Variants in RBFOX1 observed in about 807,000 individuals in gnomAD.
RBFOX1 encodes RNA binding protein fox-1 homolog 1.
RBFOX1 carries 8 observed loss-of-function variants against 57.7 expected under a neutral mutation model. The ratio of observed to expected loss-of-function variants is 0.14; its 90% CI spans 0.08 to 0.25. The LOEUF (loss-of-function observed/expected upper bound fraction) is 0.25. Ranked by LOEUF, RBFOX1 falls within the 10% of genes least tolerant of loss-of-function variation. The pLI is 1.00. For synonymous variants in RBFOX1, 326 were observed against 222.4 expected (o/e 1.47, Z -4.15); for missense variants, 611 against 548.5 (o/e 1.11, Z -1.14).
intron 14 of RBFOX1, among the ~76,000 whole-genome samples, chr16:7,678,914 T>C (rs1249098515): frequency 6.6e-6 from 1 of 152,202 alleles, no homozygotes; most frequent in East Asian, 1.9e-4. Flanking sequence ...TTTAGTACCA[T>C]AGTTTCAGTT....
intron 1 of RBFOX1, among the ~76,000 whole-genome samples, chr16:6,091,628 G>A (rs7193639): frequency 0.057 from 8,625 of 152,172 alleles, 624 homozygotes; most frequent in African/African-American, 0.17. Flanking sequence ...TCATGAGTTC[G>A]AGACCAGCCT....
intron 3 of RBFOX1, among the ~76,000 whole-genome samples, chr16:6,934,733 C>G (rs1482628715): frequency 6.6e-6 from 1 of 151,818 alleles, no homozygotes. Flanking sequence ...GCTGTGAGGC[C>G]CTTTGCTTAG....
intron 1 of RBFOX1, among the ~76,000 whole-genome samples, chr16:5,364,154 G>A (rs1029814063): frequency 2.0e-5 from 3 of 152,338 alleles, no homozygotes; most frequent in East Asian, 3.9e-4. Context: ...TGTACAGGTT[G>A]CCAATTGCTT....
chr16:5,472,198 C>T (rs566549490), intron 2 of RBFOX1, among the ~76,000 whole-genome samples: 15 of 152,254 alleles, frequency 9.9e-5, no homozygotes, highest in South Asian at 2.1e-4. Flanking sequence ...TGGCAGCACC[C>T]TCCTTTTTAT....
intron 4 of RBFOX1, among the ~76,000 whole-genome samples, chr16:5,881,431 G>C (rs927279170): frequency 6.6e-6 from 1 of 152,198 alleles, no homozygotes; most frequent in Non-Finnish European, 1.5e-5. Context: ...TGTAATCCCA[G>C]CACTTTGGGA....
At chr16:7,510,049 G>A in intron 4 of RBFOX1, 1 of 660,546 alleles carries the variant, frequency 1.5e-6, no homozygotes, top group Non-Finnish European at 1.9e-6. Flanking sequence ...GCCAGAGGAG[G>A]AGCAAGCTGT....
chr16:7,243,999 G>A (rs988336607), intron 4 of RBFOX1, among the ~76,000 whole-genome samples: 2 of 151,906 alleles, frequency 1.3e-5, no homozygotes, highest in African/African-American at 4.8e-5. Flanking sequence ...TTCCTGGAGA[G>A]AATGTTCATA....
At chr16:6,005,585 G>A (rs1367496275) in intron 4 of RBFOX1, among the ~76,000 whole-genome samples, 1 of 152,204 alleles carries the variant, frequency 6.6e-6, no homozygotes, top group African/African-American at 2.4e-5. Context: ...CTGCCTCTGT[G>A]TTGCAGGATA....
At chr16:5,585,372 G>T (rs938776705) in intron 2 of RBFOX1, among the ~76,000 whole-genome samples, 1 of 152,180 alleles carries the variant, frequency 6.6e-6, no homozygotes, top group African/African-American at 2.4e-5. Flanking sequence ...ATATTCTGTT[G>T]TATGGCTGAG....
chr16:6,985,859 T>C (rs1255814141), intron 3 of RBFOX1, among the ~76,000 whole-genome samples: 2 of 115,394 alleles, frequency 1.7e-5, no homozygotes, highest in Admixed American at 8.6e-5. Flanking sequence ...AGAATTTTTT[T>C]TTCTTTTTTC....
intron 4 of RBFOX1, among the ~76,000 whole-genome samples, chr16:7,239,684 T>C (rs1192846351): frequency 6.6e-6 from 1 of 152,142 alleles, no homozygotes; most frequent in Non-Finnish European, 1.5e-5. Context: ...AGATGATTAT[T>C]TTACTCTTCT....
chr16:6,689,026 C>G (rs1400214766), intron 3 of RBFOX1, among the ~76,000 whole-genome samples: 2 of 152,124 alleles, frequency 1.3e-5, no homozygotes, highest in East Asian at 1.9e-4. Flanking sequence ...TTTTCTTTAT[C>G]CAGTCTATTA....
In RBFOX1 at chr16:7,454,763, A is replaced by G. The variant is rs369876650; in HGVS notation, c.28-63384A>G. On this transcript the variant is annotated intron_variant, in intron 4 of 15. Transcript: ENST00000550418. ...TACATTTCTACCATGAACATGTGCA[A>G]TTGCCCATCTGTGTTTTCTTTCCCT... Among the ~76,000 whole-genome samples, 42 of 152,312 alleles carry G rather than the reference A, an allele frequency of 2.8e-4. 1 individual carries two copies. In the East Asian group the frequency reaches 8.1e-3, roughly 29 times the overall value.
intron 3 of RBFOX1, among the ~76,000 whole-genome samples, chr16:6,936,210 T>C (rs903336789): frequency 6.6e-5 from 10 of 152,220 alleles, no homozygotes; most frequent in Non-Finnish European, 1.0e-4. Context: ...AGGATATTCT[T>C]TTGAATATTA....
intron 9 of RBFOX1, among the ~76,000 whole-genome samples, chr16:7,606,887 T>C (rs2095305324): frequency 6.6e-6 from 1 of 152,240 alleles, no homozygotes; most frequent in Admixed American, 6.5e-5. Flanking sequence ...ATTTTGTTTA[T>C]GCAAGCTTTC....
Position 5,865,909 on chromosome 16 carries a change from A to AGAGAGAGG in RBFOX1, c.319-1378_319-1371dup, listed in dbSNP as rs71386514. ...CTTTCCTGTGTGCAGGAGGAGAGAG[A>AGAGAGAGG]GAGAGAGGGAGAGAGGGAGAGAGAG... is the stretch of plus-strand genomic sequence containing the variant. On this transcript the variant is annotated intron_variant, in intron 3 of 19. Transcript: ENST00000641259. Among the ~76,000 whole-genome samples, 445 of 151,944 alleles carry AGAGAGAGG rather than the reference A, an allele frequency of 2.9e-3. 8 individuals are homozygous for AGAGAGAGG. Among genetic ancestry groups the AGAGAGAGG allele is most frequent in the East Asian group, 0.012 (64 of 5,138 alleles).
chr16:6,154,116 T>C (rs921333390), intron 1 of RBFOX1, among the ~76,000 whole-genome samples: 15 of 152,220 alleles, frequency 9.9e-5, no homozygotes, highest in Admixed American at 9.2e-4. Flanking sequence ...CAGATGTTCC[T>C]GCGTCATAAT....
At chr16:5,410,061 A>AT (rs539061609) in intron 1 of RBFOX1, among the ~76,000 whole-genome samples, 13,572 of 145,896 alleles carry the variant, frequency 0.093, 863 homozygotes, top group African/African-American at 0.17. Context: ...AAAAAAAAAA[A>AT]AAAAATAATA....
At chr16:7,572,805 C>A (rs1231101891) in intron 5 of RBFOX1, among the ~76,000 whole-genome samples, 4 of 145,866 alleles carry the variant, frequency 2.7e-5, no homozygotes, top group African/African-American at 1.0e-4. Context: ...AGCCACTGCA[C>A]TCCAGCCTGG....
Sources: gnomAD v4.1 joint callset for allele counts (sites outside exome capture counted in the v4.1 genomes callset) on GRCh38, gnomAD v4.1.1 for gene constraint, MANE v1.5 for transcripts, NCBI Gene and HGNC (gene_info 2026-07-23, HGNC 2026-07-21) for gene names.